Variants in IMMP2L observed in about 807,000 individuals in gnomAD.
The protein encoded by IMMP2L is mitochondrial inner membrane protease subunit 2.
In IMMP2L, 18 loss-of-function variants were observed where a neutral mutation model predicts 19.3. The ratio of observed to expected loss-of-function variants is 0.93; its 90% CI spans 0.64 to 1.38. The LOEUF (loss-of-function observed/expected upper bound fraction) is 1.38. Among genes scored for constraint, IMMP2L ranks in the 40% most tolerant of loss-of-function variants. IMMP2L has a pLI of 0.00. For missense variants in IMMP2L, 233 were observed against 218.2 expected, an observed-to-expected ratio of 1.07 and a Z score of -0.43; for synonymous variants, 76 against 73.0, an observed-to-expected ratio of 1.04 and a Z score of -0.21.
At chr7:111,299,635 T>C (rs1340344984) in intron 3 of IMMP2L, among the ~76,000 whole-genome samples, 3 of 151,714 alleles carry the variant, frequency 2.0e-5, no homozygotes, top group South Asian at 2.1e-4. Flanking sequence ...AGTGGATCTT[T>C]TGAAAAATAA....
chr7:111,048,253 A>AG (rs1792625017), intron 3 of IMMP2L, among the ~76,000 whole-genome samples: 1 of 143,084 alleles, frequency 7.0e-6, no homozygotes, highest in Admixed American at 7.2e-5. Flanking sequence ...AAAAAAAAAA[A>AG]AAAAAAAAAA....
intron 5 of IMMP2L, among the ~76,000 whole-genome samples, chr7:110,743,559 GTGATTTC>G (rs1797128696): frequency 6.6e-6 from 1 of 152,072 alleles, no homozygotes; most frequent in Non-Finnish European, 1.5e-5. Context: ...CAGAAGGCAG[GTGATTTC>G]TGCATTTCCA....
chr7:110,669,087 G>A (rs375385481), intron 5 of IMMP2L, among the ~76,000 whole-genome samples: 42,286 of 123,870 alleles, frequency 0.34, 6,753 homozygotes, highest in Middle Eastern at 0.41. Context: ...GTGTGTGTGT[G>A]TGTATATGTA....
intron 3 of IMMP2L, among the ~76,000 whole-genome samples, chr7:111,104,832 T>C (rs981046718): frequency 1.3e-5 from 2 of 151,736 alleles, no homozygotes; most frequent in Non-Finnish European, 3.0e-5. Flanking sequence ...GGGCAAAATC[T>C]ATTTAGAACG....
chr7:111,083,824 A>T (rs952041134), intron 3 of IMMP2L, among the ~76,000 whole-genome samples: 1 of 152,228 alleles, frequency 6.6e-6, no homozygotes, highest in Non-Finnish European at 1.5e-5. Context: ...TAATTTCTGC[A>T]TGTGTACAGC....
chr7:110,816,758 A>T (rs1290974703), intron 5 of IMMP2L, among the ~76,000 whole-genome samples: 4 of 150,590 alleles, frequency 2.7e-5, no homozygotes, highest in Non-Finnish European at 5.9e-5. Context: ...GTTGGTTTAA[A>T]GTCTGTTTTA....
intron 2 of IMMP2L, among the ~76,000 whole-genome samples, chr7:111,497,209 G>C (rs1843678169): frequency 6.6e-6 from 1 of 151,998 alleles, no homozygotes; most frequent in South Asian, 2.1e-4. Flanking sequence ...TATCAACAAG[G>C]TAATTTGCCA....
At chr7:111,419,057 A>C (rs1025056696) in intron 3 of IMMP2L, among the ~76,000 whole-genome samples, 2 of 151,854 alleles carry the variant, frequency 1.3e-5, no homozygotes, top group Admixed American at 1.3e-4. Context: ...CCATAGGTGG[A>C]AATCAAATCA....
chr7:111,123,719 C>T lies in IMMP2L; in HGVS notation c.240-160154G>A, dbSNP rs1010466126. ...CTGCCAGATTTAAGAAAAATAGAAG[C>T]TACTAACAACCCTAGATTGTCTTAC... On this transcript the variant is annotated intron_variant, in intron 3 of 5. Coordinates refer to ENST00000405709, the MANE Select transcript of IMMP2L (RefSeq NM_032549.4). This position sits in a 1 kb window ranked among gnomAD's most constrained non-coding sequence, Gnocchi z 6.4. The T allele has an allele frequency of 6.2e-7, 1 of 1,613,732 alleles. No individual in the cohort carries two copies.
intron 3 of IMMP2L, among the ~76,000 whole-genome samples, chr7:111,206,938 A>AT (rs1344197629): frequency 3.9e-5 from 6 of 152,208 alleles, no homozygotes; most frequent in Non-Finnish European, 7.3e-5. Flanking sequence ...AAATAAGTGG[A>AT]TAAAAAAAAG....
intron 3 of IMMP2L, among the ~76,000 whole-genome samples, chr7:111,152,330 A>G (rs1804170675): frequency 6.6e-6 from 1 of 151,980 alleles, no homozygotes; most frequent in Non-Finnish European, 1.5e-5. Context: ...CGTTATTTAA[A>G]CCACCTTGCC....
chr7:111,152,901 G>A (rs1804234792), intron 3 of IMMP2L, among the ~76,000 whole-genome samples: 1 of 152,050 alleles, frequency 6.6e-6, no homozygotes, highest in African/African-American at 2.4e-5. Context: ...GGTAAATAGT[G>A]GATAGCTGTA....
intron 3 of IMMP2L, among the ~76,000 whole-genome samples, chr7:111,164,156 GAAGGAAGGCAGGAAGGCAGA>G (rs1484752003): frequency 6.6e-6 from 1 of 151,508 alleles, no homozygotes; most frequent in Non-Finnish European, 1.5e-5. Context: ...AGGAAGGAAG[GAAGGAAGGCAGGAAGGCAGA>G]AAGGCAGGAA....
intron 3 of IMMP2L, among the ~76,000 whole-genome samples, chr7:111,209,396 C>CA (rs368679362): frequency 0.53 from 47,079 of 88,210 alleles, 11,327 homozygotes; most frequent in Non-Finnish European, 0.59. Context: ...GACTCCTTCT[C>CA]AAAAAAAAAA....
intron 3 of IMMP2L, among the ~76,000 whole-genome samples, chr7:111,207,696 C>A (rs1810874190): frequency 1.3e-5 from 2 of 151,756 alleles, no homozygotes; most frequent in African/African-American, 4.8e-5. Flanking sequence ...CCGCCATGTC[C>A]AGCTAATTTT....
chr7:111,130,750 A>T (rs1315355004), intron 3 of IMMP2L, among the ~76,000 whole-genome samples: 2 of 152,114 alleles, frequency 1.3e-5, no homozygotes, highest in Non-Finnish European at 2.9e-5. Flanking sequence ...ATATAGCTAA[A>T]CACACCCAAA....
intron 2 of IMMP2L, among the ~76,000 whole-genome samples, chr7:111,493,659 C>G (rs1210143377): frequency 6.7e-6 from 1 of 150,018 alleles, no homozygotes; most frequent in Non-Finnish European, 1.5e-5. Flanking sequence ...GAGCGGAGAT[C>G]GCGCCACTGC....
rs1329132263 is a variant in IMMP2L, at chr7:111,439,489, A to G, written c.239+47749T>C. ...AATTTTTTGGTTTCACAGTGTATAT[A>G]AAAGTTACATTTACACTGAACTGTA... is the stretch of plus-strand genomic sequence containing the variant. On this transcript the variant is annotated intron_variant, in intron 3 of 5. Coordinates refer to ENST00000405709, the MANE Select transcript of IMMP2L (RefSeq NM_032549.4). 1.3e-5 allele frequency among the ~76,000 whole-genome samples: 2 copies of G among 151,990 alleles called. 1 individual carries two copies. Among genetic ancestry groups the G allele is most frequent in the African/African-American group, 4.8e-5 (2 of 41,240 alleles).
chr7:110,861,465 A>G lies in IMMP2L; in HGVS notation c.408+25128T>C, dbSNP rs540336219. ...TGTTTTTTGTAGAGATGAGATTTCC[A>G]TATGTTGCCCAGGCTGGTCTTGAAC... On this transcript the variant is annotated intron_variant, in intron 5 of 5. Coordinates refer to ENST00000405709, the MANE Select transcript of IMMP2L (RefSeq NM_032549.4). Among the ~76,000 whole-genome samples, 146 of 151,890 alleles carry G rather than the reference A, an allele frequency of 9.6e-4. 2 individuals carry two copies. Among genetic ancestry groups the G allele is most frequent in the Non-Finnish European group, 6.2e-4 (42 of 67,920 alleles).
Sources: gnomAD v4.1 joint callset for allele counts (sites outside exome capture counted in the v4.1 genomes callset) on GRCh38, gnomAD v4.1.1 for gene constraint, Gnocchi (gnomAD v3.1) non-coding constraint, MANE v1.5 for transcripts, NCBI Gene and HGNC (gene_info 2026-07-23, HGNC 2026-07-21) for gene names.